Variants in WNT7A observed in about 807,000 individuals in gnomAD.
WNT7A encodes Wnt family member 7A.
Under a neutral mutation model 28.2 loss-of-function variants are expected in WNT7A, and 16 were observed. That is an observed-to-expected ratio of 0.57 (90% CI 0.38 to 0.86). The LOEUF is 0.86. Ranked by LOEUF, WNT7A falls within the 40% of genes least tolerant of loss-of-function variation. The probability of loss-of-function intolerance (pLI) is 0.00; values close to 1 mark genes in which losing one functional copy is unlikely to be tolerated. For synonymous variants in WNT7A, 190 were observed against 195.9 expected (o/e 0.97, Z 0.25); for missense variants, 411 against 489.7 (o/e 0.84, Z 1.52).
intron 3 of WNT7A, among the ~76,000 whole-genome samples, chr3:13,840,240 C>T (rs898305463): frequency 2.6e-5 from 4 of 152,222 alleles, no homozygotes; most frequent in Admixed American, 2.0e-4. Context: ...AATGCCCCTG[C>T]TCCTGACATC....
At chr3:13,878,547 G>A (rs1695148888) in intron 1 of WNT7A, among the ~76,000 whole-genome samples, 1 of 152,140 alleles carries the variant, frequency 6.6e-6, no homozygotes, top group Non-Finnish European at 1.5e-5. Context: ...GCCCCTGGTC[G>A]GCTCTGCACG....
At position 13,818,795 on chromosome 3, in the gene WNT7A, C is replaced by T; in HGVS notation, c.*149G>A. 8.1e-7 allele frequency: 1 copy of T among 1,236,880 alleles called. No individual in the cohort carries two copies. Among genetic ancestry groups the T allele is most frequent in the Non-Finnish European group, 1.1e-6 (1 of 923,404 alleles). The allele number at this position is 1,236,880 out of a possible 1,614,324, so 76.6% of individuals were successfully genotyped here. A position where few individuals can be genotyped will look rare whatever the true frequency, so the allele number is the denominator to read the frequency against. ...GAGGGCTCTGAGAGATTTTTTTTCCCCCACGGATGCCTGCAGGAAACCCAG... is the reference window on the plus strand; with the variant it reads ...GAGGGCTCTGAGAGATTTTTTTTCCTCCACGGATGCCTGCAGGAAACCCAG... On this transcript the variant is annotated 3_prime_UTR_variant, in exon 4 of 4. Coordinates refer to ENST00000285018, the MANE Select transcript of WNT7A (RefSeq NM_004625.4).
chr3:13,866,243 C>T (rs1016399148), intron 2 of WNT7A, among the ~76,000 whole-genome samples: 2 of 152,256 alleles, frequency 1.3e-5, no homozygotes, highest in Non-Finnish European at 2.9e-5. Flanking sequence ...TGCTCCCTCA[C>T]AGAGCTGCCT....
At chr3:13,819,773 A>G (rs1435232986) in intron 3 of WNT7A, among the ~76,000 whole-genome samples, 2 of 152,248 alleles carry the variant, frequency 1.3e-5, no homozygotes, top group Non-Finnish European at 2.9e-5. Flanking sequence ...GTTGAGGGAA[A>G]GAAGTTGGAC....
In WNT7A at chr3:13,817,296, G is replaced by C. The variant is rs1052315473; in HGVS notation, c.*1648C>G. On this transcript the variant is annotated 3_prime_UTR_variant, in exon 4 of 4. Coordinates refer to ENST00000285018, the MANE Select transcript of WNT7A (RefSeq NM_004625.4). ...TCCATGCCTGAGACCTGATCTCCCA[G>C]GCACACGGAGAGAAACAGACGCTTG... The C allele has an allele frequency of 6.6e-6, 1 of 152,232 alleles. No individual in the cohort carries two copies. Among genetic ancestry groups the C allele is most frequent in the African/African-American group, 2.4e-5 (1 of 41,442 alleles). 9.4% of individuals were successfully genotyped at this position (152,232 alleles called of 1,614,324 possible). A position where few individuals can be genotyped will look rare whatever the true frequency, so the allele number is the denominator to read the frequency against.
intron 3 of WNT7A, among the ~76,000 whole-genome samples, chr3:13,825,258 C>T (rs911455891): frequency 6.6e-6 from 1 of 152,186 alleles, no homozygotes; most frequent in Non-Finnish European, 1.5e-5. Context: ...AAAAAGTCAG[C>T]TCCTCACAAA....
At chr3:13,869,962 C>G (rs778583155) in intron 2 of WNT7A, among the ~76,000 whole-genome samples, 3 of 152,136 alleles carry the variant, frequency 2.0e-5, no homozygotes, top group Non-Finnish European at 2.9e-5. Context: ...CATGACCATG[C>G]CTTTGCTCTG....
At chr3:13,844,270 G>A (rs1694504649) in intron 3 of WNT7A, among the ~76,000 whole-genome samples, 2 of 152,300 alleles carry the variant, frequency 1.3e-5, no homozygotes, top group South Asian at 4.1e-4. Flanking sequence ...CATCTGTCAA[G>A]CAGGAATGAC....
At chr3:13,833,478 T>C (rs1202257318) in intron 3 of WNT7A, among the ~76,000 whole-genome samples, 3 of 152,194 alleles carry the variant, frequency 2.0e-5, no homozygotes, top group African/African-American at 4.8e-5. Flanking sequence ...TCAGCTTTGC[T>C]CCCCTGTAAA....
intron 3 of WNT7A, among the ~76,000 whole-genome samples, chr3:13,836,186 G>A (rs1694364281): frequency 7.1e-6 from 1 of 141,756 alleles, no homozygotes; most frequent in South Asian, 2.5e-4. Context: ...TTATATCTCA[G>A]TAAAGCTGGT....
At position 13,818,351 on chromosome 3, in the gene WNT7A, C is replaced by CAAAAAAAAAAAAAAGAAAAAAAAAAA. The variant is rs1694047525; in HGVS notation, c.*592_*593insTTTTTTTTTTTCTTTTTTTTTTTTTT. 1.3e-5 allele frequency: 1 copy of CAAAAAAAAAAAAAAGAAAAAAAAAAA among 79,952 alleles called. No homozygotes were observed. The highest frequency in any genetic ancestry group is 4.9e-5 in the African/African-American group (1 of 20,618). 5.0% of individuals were successfully genotyped at this position (79,952 alleles called of 1,614,324 possible). ...TTTCTGGATAAGTAGCAGCAAACAGCAAAAAAAAAAAAAAAAATGTGTGTG... is the reference window on the plus strand; with the variant it reads ...TTTCTGGATAAGTAGCAGCAAACAGCAAAAAAAAAAAAAAGAAAAAAAAAAAAAAAAAAAAAAAAAAAATGTGTGTG... On this transcript the variant is annotated 3_prime_UTR_variant, in exon 4 of 4. Transcript: ENST00000285018.
intron 3 of WNT7A, among the ~76,000 whole-genome samples, chr3:13,830,200 C>T (rs758879495): frequency 9.2e-5 from 14 of 152,116 alleles, no homozygotes; most frequent in Non-Finnish European, 1.9e-4. Flanking sequence ...AAGATCCAAG[C>T]CAGCTGATCA....
intron 2 of WNT7A, among the ~76,000 whole-genome samples, chr3:13,859,357 A>T (rs1694793415): frequency 6.6e-6 from 1 of 152,062 alleles, no homozygotes; most frequent in African/African-American, 2.4e-5. Flanking sequence ...AAGTCACTTA[A>T]CCTCTCTGAG....
rs1694049404 is a variant in WNT7A at position 13,818,368 on chromosome 3, AT to A, written c.*575del. 1 of 150,138 alleles carries A rather than the reference AT, an allele frequency of 6.7e-6. No homozygotes were observed. The highest frequency in any genetic ancestry group is 2.5e-5 in the African/African-American group (1 of 40,714). 9.3% of individuals were successfully genotyped at this position (150,138 alleles called of 1,614,324 possible). ...GCAAACAGCAAAAAAAAAAAAAAAA[AT>A]GTGTGTGTGTATATCTATATATGCA... is the stretch of plus-strand genomic sequence containing the variant. On this transcript the variant is annotated 3_prime_UTR_variant, in exon 4 of 4. Coordinates refer to ENST00000285018, the MANE Select transcript of WNT7A (RefSeq NM_004625.4).
At chr3:13,850,444 G>A (rs1346223291) in intron 3 of WNT7A, among the ~76,000 whole-genome samples, 3 of 152,132 alleles carry the variant, frequency 2.0e-5, no homozygotes, top group Admixed American at 1.3e-4. Context: ...ACCCGGACCA[G>A]ACGGGGCAGG....
chr3:13,879,511 GTC>G (rs1695173416), intron 1 of WNT7A, among the ~76,000 whole-genome samples: 1 of 151,978 alleles, frequency 6.6e-6, no homozygotes, highest in African/African-American at 2.4e-5. Context: ...GCTGTCTCTG[GTC>G]CTGGGGGATT....
chr3:13,819,037 G>A lies in WNT7A; in HGVS notation c.957C>T (p.Ala319=). 6.2e-7 allele frequency: 1 copy of A among 1,613,264 alleles called. No individual in the cohort carries two copies. ...ACTTACAGTTGCACTGCCACACGCG[G>A]GCGTACTGGTGGGTGTTGTAGCCAC... ...CGRGYNTHQY[A]RVWQCNCKFH... Residue 319 remains alanine, a synonymous_variant, in exon 4 of 4, where the codon GCC becomes GCT. Transcript: ENST00000285018.
chr3:13,856,976 A>AG lies in WNT7A; in HGVS notation c.299-2174dup, dbSNP rs1324969548. ...AAGAAGAAGAAGAAGAAGGAGAAGA[A>AG]GAAGAAGAAGGAGAAGAAGAAGAAG... On this transcript the variant is annotated intron_variant, in intron 2 of 3. Coordinates refer to ENST00000285018, the MANE Select transcript of WNT7A (RefSeq NM_004625.4). 2.9e-3 allele frequency among the ~76,000 whole-genome samples: 284 copies of AG among 98,450 alleles called. 2 individuals carry two copies. Among genetic ancestry groups the AG allele is most frequent in the African/African-American group, 0.018 (262 of 14,168 alleles). The allele number at this position is 98,450 out of a possible 152,430, so 64.6% of individuals were successfully genotyped here.
At chr3:13,870,076 G>GAA (rs1420834820) in intron 2 of WNT7A, among the ~76,000 whole-genome samples, 1 of 152,074 alleles carries the variant, frequency 6.6e-6, no homozygotes, top group African/African-American at 2.4e-5. Flanking sequence ...CCTCCATCCT[G>GAA]AGGTCTCACT....
Sources: gnomAD v4.1 joint callset for allele counts (sites outside exome capture counted in the v4.1 genomes callset) on GRCh38, gnomAD v4.1.1 for gene constraint, MANE v1.5 for transcripts, NCBI Gene and HGNC (gene_info 2026-07-23, HGNC 2026-07-21) for gene names.